PCDH11X: variants seen among roughly 807,000 people sequenced by gnomAD.
PCDH11X encodes the protein protocadherin 11 X-linked, also known as protocadherin-11 X-linked.
A neutral mutation model predicts 53.3 loss-of-function variants in PCDH11X; 18 were observed. That is an observed-to-expected ratio of 0.34 (90% CI 0.23 to 0.50). The LOEUF is 0.50. PCDH11X is among the 20% of genes least tolerant of loss of function. The pLI is 0.98. For missense variants in PCDH11X, 570 were observed against 1,032.4 expected (o/e 0.55, Z 6.14); for synonymous variants, 279 against 393.3 (o/e 0.71, Z 3.44).
chrX:92,255,310 C>T (rs1283871371), intron 7 of PCDH11X, among the ~76,000 whole-genome samples: 1 of 99,611 alleles, frequency 1.0e-5, no homozygotes, highest in Non-Finnish European at 2.1e-5. Flanking sequence ...TTAAGCACTT[C>T]TCTGTATTGA....
At chrX:92,114,155 C>T (rs1024716697) in intron 6 of PCDH11X, 79 of 1,178,386 alleles carry the variant, frequency 6.7e-5, no homozygotes, top group Non-Finnish European at 1.3e-5. Context: ...AGGACCAAGG[C>T]CTGGGTGGCT....
intron 10 of PCDH11X, among the ~76,000 whole-genome samples, chrX:92,527,366 A>T (rs1299937288): frequency 4.5e-5 from 5 of 111,087 alleles, no homozygotes; most frequent in Non-Finnish European, 9.4e-5. Flanking sequence ...CTGTATCAAA[A>T]CATCTCAGGT....
At chrX:92,113,774 C>T in intron 6 of PCDH11X, 1 of 1,195,975 alleles carries the variant, frequency 8.4e-7, no homozygotes, top group Non-Finnish European at 1.1e-6. Context: ...CGAATGGGGT[C>T]CCTCATGAAC....
chrX:92,221,359 A>G (rs2066876443), intron 7 of PCDH11X, among the ~76,000 whole-genome samples: 1 of 104,078 alleles, frequency 9.6e-6, no homozygotes, highest in Admixed American at 1.1e-4. Flanking sequence ...TATGGTGCAG[A>G]TTGGTTCTGG....
At chrX:92,540,819 T>C (rs1032778149) in intron 10 of PCDH11X, among the ~76,000 whole-genome samples, 2 of 107,770 alleles carry the variant, frequency 1.9e-5, no homozygotes, top group Non-Finnish European at 1.9e-5. Context: ...CGGGTCTGCC[T>C]CTAGCCCAGG....
intron 8 of PCDH11X, among the ~76,000 whole-genome samples, chrX:92,359,409 G>A (rs1024838394): frequency 1.5e-4 from 16 of 107,652 alleles, no homozygotes; most frequent in African/African-American, 5.4e-4. Flanking sequence ...ATGTCCCTTG[G>A]TACATGCACA....
chrX:92,395,146 T>A (rs1217388305), intron 9 of PCDH11X, among the ~76,000 whole-genome samples: 1 of 111,447 alleles, frequency 9.0e-6, no homozygotes, highest in East Asian at 2.8e-4. Context: ...CTTCTTTTTT[T>A]AATCAATCTT....
chrX:91,853,920 G>A lies in PCDH11X; in HGVS notation c.540+17876G>A, dbSNP rs5984833. ...AGGTGTATATATTCATGGGGTACAT[G>A]AAATACTTTGATACAGACATGCAAT... On this transcript the variant is annotated intron_variant, in intron 5 of 10. Coordinates refer to ENST00000682573, the MANE Select transcript of PCDH11X (RefSeq NM_032968.5). Among the ~76,000 whole-genome samples, 519 of 109,960 alleles carry A rather than the reference G, an allele frequency of 4.7e-3. 1 individual carries two copies. Among genetic ancestry groups the A allele is most frequent in the African/African-American group, 0.016 (493 of 30,240 alleles).
chrX:91,913,533 C>T, intron 6 of PCDH11X, among the ~76,000 whole-genome samples: 1 of 111,430 alleles, frequency 9.0e-6, no homozygotes, highest in East Asian at 2.9e-4. Context: ...TCACCCCATG[C>T]TCCACAGTGG....
At chrX:91,946,548 C>T (rs10127348) in intron 6 of PCDH11X, among the ~76,000 whole-genome samples, 2,713 of 68,744 alleles carry the variant, frequency 0.039, 160 homozygotes, top group African/African-American at 0.14. Flanking sequence ...GGATTCAAAC[C>T]TGTTTCCCTC....
chrX:92,519,691 C>T (rs1281123560), intron 10 of PCDH11X, among the ~76,000 whole-genome samples: 1 of 105,863 alleles, frequency 9.4e-6, no homozygotes. Flanking sequence ...AATCTCAGTA[C>T]AGTCAAATAG....
At chrX:91,850,913 T>C (rs1937973319) in intron 5 of PCDH11X, among the ~76,000 whole-genome samples, 1 of 111,709 alleles carries the variant, frequency 9.0e-6, no homozygotes, top group African/African-American at 3.2e-5. Flanking sequence ...AAGCATTTAT[T>C]GTATAACCCT....
intron 6 of PCDH11X, among the ~76,000 whole-genome samples, chrX:92,135,759 G>GTGTA (rs1348738165): frequency 0.022 from 2,075 of 96,280 alleles, 53 homozygotes; most frequent in African/African-American, 0.088. Flanking sequence ...GTGCATGTTT[G>GTGTA]TGTGTGTGTG....
At chrX:92,024,718 CAAAAAAAAAA>C (rs199917287) in intron 6 of PCDH11X, among the ~76,000 whole-genome samples, 1 of 54,675 alleles carries the variant, frequency 1.8e-5, no homozygotes, top group Non-Finnish European at 3.9e-5. Flanking sequence ...CAATCCTAAG[CAAAAAAAAAA>C]AAAAAAAAAC....
At chrX:92,437,518 C>T (rs1379013728) in intron 9 of PCDH11X, among the ~76,000 whole-genome samples, 1 of 110,573 alleles carries the variant, frequency 9.0e-6, no homozygotes, top group African/African-American at 3.3e-5. Flanking sequence ...TTAAATTGTC[C>T]ATATGTCCCC....
chrX:92,078,830 G>C (rs1401076018), intron 6 of PCDH11X, among the ~76,000 whole-genome samples: 1 of 110,646 alleles, frequency 9.0e-6, no homozygotes, highest in Non-Finnish European at 1.9e-5. Context: ...TCTGATTGTA[G>C]GTGTTTCATG....
chrX:92,299,255 C>T (rs1394357828), intron 8 of PCDH11X, among the ~76,000 whole-genome samples: 1 of 111,495 alleles, frequency 9.0e-6, no homozygotes, highest in Non-Finnish European at 1.9e-5. Context: ...GCTTTTGTTA[C>T]ATTCCATCCT....
At chrX:92,419,878 C>T (rs1168890334) in intron 9 of PCDH11X, among the ~76,000 whole-genome samples, 1 of 108,836 alleles carries the variant, frequency 9.2e-6, no homozygotes, top group Non-Finnish European at 1.9e-5. Context: ...GACGGGGTTT[C>T]ACCGTTTTAG....
intron 8 of PCDH11X, among the ~76,000 whole-genome samples, chrX:92,348,175 A>C (rs1040449279): frequency 1.8e-5 from 2 of 111,853 alleles, no homozygotes; most frequent in Non-Finnish European, 3.8e-5. Flanking sequence ...AAGTAATTGA[A>C]TCAGCTTTGT....
Sources: gnomAD v4.1 joint callset for allele counts (sites outside exome capture counted in the v4.1 genomes callset) on GRCh38, gnomAD v4.1.1 for gene constraint, MANE v1.5 for transcripts, NCBI Gene and HGNC (gene_info 2026-07-23, HGNC 2026-07-21) for gene names.